OAS1: variants seen among roughly 807,000 people sequenced by gnomAD.
The protein encoded by OAS1 is 2'-5'-oligoadenylate synthetase 1.
A neutral mutation model predicts 38.5 loss-of-function variants in OAS1; 24 were observed. That is an observed-to-expected ratio of 0.62 (90% CI 0.45 to 0.88). OAS1 has a LOEUF of 0.88. OAS1 is among the 40% of genes least tolerant of loss of function. The probability of loss-of-function intolerance (pLI) is 0.00; values close to 1 mark genes in which losing one functional copy is unlikely to be tolerated. For synonymous variants in OAS1, 169 were observed against 193.9 expected (o/e 0.87, Z 1.07); for missense variants, 482 against 493.9 (o/e 0.98, Z 0.23).
At position 112,906,986 on chromosome 12, in the gene OAS1, G is replaced by T; in HGVS notation, c.-54G>T. 1 of 1,593,836 alleles carries T rather than the reference G, an allele frequency of 6.3e-7. No individual in the cohort carries two copies. Among genetic ancestry groups the T allele is most frequent in the Non-Finnish European group, 8.6e-7 (1 of 1,162,984 alleles). ...CAGTCCAAGCTCAGTCAGCAGAAGA[G>T]ATAAAAGCAAACAGGTCTGGGAGGC... On this transcript the variant is annotated 5_prime_UTR_variant, in exon 1 of 6. Coordinates refer to ENST00000202917, the MANE Select transcript of OAS1 (RefSeq NM_016816.4).
chr12:112,918,214 G>T, intron 5 of OAS1: 1 of 195,728 alleles, frequency 5.1e-6, no homozygotes, highest in Non-Finnish European at 1.1e-5. Context: ...CCTCCCTGTT[G>T]GAGTCCCTAG....
At chr12:112,926,965 T>G (rs576484210) in intron 6 of OAS1, among the ~76,000 whole-genome samples, 1 of 152,300 alleles carries the variant, frequency 6.6e-6, no homozygotes, top group East Asian at 1.9e-4. Flanking sequence ...TCAGGGATAT[T>G]TCTCTTACCT....
At chr12:112,932,209 A>G (rs2043602190), downstream of OAS1, 1 of 316,060 alleles carries the variant, frequency 3.2e-6, no homozygotes, top group Non-Finnish European at 5.7e-6. Flanking sequence ...AGAAAAAAAT[A>G]CAAGGTAGAT....
chr12:112,910,622 G>A (rs2043362925), intron 2 of OAS1, among the ~76,000 whole-genome samples: 1 of 152,114 alleles, frequency 6.6e-6, no homozygotes, highest in African/African-American at 2.4e-5. Context: ...GAGAGAAAAA[G>A]TCAGAGAAGT....
chr12:112,915,333 A>G (rs1163835460), intron 3 of OAS1, among the ~76,000 whole-genome samples: 1 of 152,180 alleles, frequency 6.6e-6, no homozygotes, highest in African/African-American at 2.4e-5. Context: ...ATTCTTCTAC[A>G]TGCAACTTGC....
Position 112,919,514 on chromosome 12 carries a change from C to T in OAS1, c.1164C>T (p.Thr388=), listed in dbSNP as rs779628553. 6.2e-7 allele frequency: 1 copy of T among 1,614,106 alleles called. No individual in the cohort carries two copies. The highest frequency in any genetic ancestry group is 8.5e-7 in the Non-Finnish European group (1 of 1,180,048). ...HRPSTLQAAS[T]PQAEEDWTCT... ...CCAGCACACTCCAGGCAGCATCCAC[C>T]CCACAGGCAGAAGAGGACTGGACCT... Residue 388 remains threonine, a synonymous_variant, in exon 6 of 6, where the codon ACC becomes ACT. Transcript: ENST00000202917.
intron 5 of OAS1, chr12:112,918,461 GGT>G (rs1294519175): frequency 9.0e-6 from 3 of 335,080 alleles, no homozygotes; most frequent in African/African-American, 6.5e-5. Context: ...TACGAGTGCC[GGT>G]GTCTTTTGAT....
intron 5 of OAS1, 41 bp downstream of exon 5, chr12:112,917,741 C>G: frequency 6.2e-7 from 1 of 1,614,210 alleles, no homozygotes; most frequent in Non-Finnish European, 8.5e-7. Flanking sequence ...ATCCCTGCCC[C>G]TCTCCATGAA....
intron 6 of OAS1, among the ~76,000 whole-genome samples, chr12:112,927,039 G>C (rs956078708): frequency 1.3e-5 from 2 of 152,172 alleles, no homozygotes; most frequent in Non-Finnish European, 2.9e-5. Context: ...AGACCTAATG[G>C]TTATCTCCCT....
Position 112,911,074 on chromosome 12 carries a change from C to G in OAS1, c.493C>G (p.Pro165Ala). 6.2e-7 allele frequency: 1 copy of G among 1,613,904 alleles called. No homozygotes were observed. The highest frequency in any genetic ancestry group is 8.5e-7 in the Non-Finnish European group (1 of 1,179,918). The stretch of plus-strand genomic sequence containing the variant: ...AGGTCAGTTGACTGGCGGCTATAAA[C>G]CTAACCCCCAAATCTATGTCAAGCT... The part of the protein sequence containing the change: ...ALGQLTGGYK[P>A]NPQIYVKLIE... Residue 165 changes from proline to alanine, a missense_variant, in exon 3 of 6, where the codon CCT (proline) becomes GCT (alanine). Physicochemically the swap from Pro to Ala is conservative, Grantham distance 27 (BLOSUM62 -1). Coordinates refer to ENST00000202917, the MANE Select transcript of OAS1 (RefSeq NM_016816.4).
Position 112,906,978 on chromosome 12 carries a change from G to A in OAS1, c.-62G>A. On this transcript the variant is annotated 5_prime_UTR_variant, in exon 1 of 6. Coordinates refer to ENST00000202917, the MANE Select transcript of OAS1 (RefSeq NM_016816.4). ...ACCAACAGCAGTCCAAGCTCAGTCAGCAGAAGAGATAAAAGCAAACAGGTC... is the reference window on the plus strand; with the variant it reads ...ACCAACAGCAGTCCAAGCTCAGTCAACAGAAGAGATAAAAGCAAACAGGTC... The A allele has an allele frequency of 6.4e-7, 1 of 1,566,578 alleles. No homozygotes were observed. Among genetic ancestry groups the A allele is most frequent in the Non-Finnish European group, 8.8e-7 (1 of 1,139,732 alleles).
downstream of OAS1, among the ~76,000 whole-genome samples, chr12:112,923,174 T>C (rs1310456932): frequency 2.0e-5 from 3 of 152,244 alleles, no homozygotes. Context: ...TTATTGTGAA[T>C]AGTGCTGCAG....
chr12:112,922,802 T>A (rs2043538511), downstream of OAS1, among the ~76,000 whole-genome samples: 1 of 152,242 alleles, frequency 6.6e-6, no homozygotes, highest in South Asian at 2.1e-4. Flanking sequence ...ATTTCATACT[T>A]TTCTGCATTT....
At chr12:112,914,499 T>C (rs1206213456) in intron 3 of OAS1, among the ~76,000 whole-genome samples, 2 of 152,222 alleles carry the variant, frequency 1.3e-5, no homozygotes, top group Non-Finnish European at 2.9e-5. Context: ...CTACTTTTAG[T>C]TCTATAAGGA....
At chr12:112,907,286 G>T in intron 1 of OAS1, 67 bp downstream of exon 1, 4 of 1,338,398 alleles carry the variant, frequency 3.0e-6, no homozygotes, top group Non-Finnish European at 4.1e-6. Flanking sequence ...TTGAGAATGA[G>T]AGAGAGAGAG....
At position 112,916,741 on chromosome 12, in the gene OAS1, A is replaced by G. The variant is rs773970916; in HGVS notation, c.884+3A>G. ...AGAAGGCAGCTCACGAAACCCAGGTATGCTATCCCCACATGGCTTAGCTCC... is the reference window on the plus strand; with the variant it reads ...AGAAGGCAGCTCACGAAACCCAGGTGTGCTATCCCCACATGGCTTAGCTCC... On this transcript the variant is annotated splice_donor_region_variant and intron_variant, in intron 4 of 5. Transcript: ENST00000202917. 18 of 1,607,584 alleles carry G rather than the reference A, an allele frequency of 1.1e-5. No homozygotes were observed. In the South Asian group the frequency reaches 1.9e-4, roughly 17 times the overall value.
downstream of OAS1, among the ~76,000 whole-genome samples, chr12:112,924,336 C>A (rs1310116295): frequency 6.6e-6 from 1 of 152,138 alleles, no homozygotes; most frequent in Non-Finnish European, 1.5e-5. Context: ...TTTATCAAGT[C>A]ATTGGTTCCT....
At chr12:112,924,812 T>G (rs1440422051), downstream of OAS1, among the ~76,000 whole-genome samples, 1 of 152,068 alleles carries the variant, frequency 6.6e-6, no homozygotes, top group Non-Finnish European at 1.5e-5. Flanking sequence ...AAAAAACTTT[T>G]GGGAAGTATT....
chr12:112,929,605 A>T (rs1413578021), intron 6 of OAS1, among the ~76,000 whole-genome samples: 1 of 152,212 alleles, frequency 6.6e-6, no homozygotes, highest in African/African-American at 2.4e-5. Flanking sequence ...ATGTTAACCC[A>T]TTTAATCCTC....
Sources: allele counts gnomAD v4.1 joint callset (sites outside exome capture counted in the v4.1 genomes callset), GRCh38; gene constraint gnomAD v4.1.1; transcripts MANE v1.5; gene names NCBI Gene and HGNC (gene_info 2026-07-23, HGNC 2026-07-21).